Variants in USP34 observed in about 807,000 individuals in gnomAD.
The protein encoded by USP34 is ubiquitin carboxyl-terminal hydrolase 34.
USP34 carries 70 observed loss-of-function variants against 460.3 expected under a neutral mutation model. The observed-to-expected ratio is 0.15, with a 90% CI of 0.13 to 0.19. USP34 has a LOEUF of 0.19. USP34 is among the 10% of genes least tolerant of loss of function. The probability of loss-of-function intolerance (pLI) is 1.00; values close to 1 mark genes in which losing one functional copy is unlikely to be tolerated. For synonymous variants in USP34, 1,647 were observed against 1,405.3 expected (o/e 1.17, Z -3.85); for missense variants, 3,985 against 4,236.2 (o/e 0.94, Z 1.65).
In USP34 at chr2:61,331,483, A is replaced by G. The variant is rs1177948720; in HGVS notation, c.2835-112T>C. ...AAAAAATCTTCAAATGTAAAATTTT[A>G]GTTACGAAAAATATACACGTTTTAT... On this transcript the variant is annotated intron_variant, in intron 19 of 79. Coordinates refer to ENST00000398571, the MANE Select transcript of USP34 (RefSeq NM_014709.4). 19 of 780,086 alleles carry G rather than the reference A, an allele frequency of 2.4e-5. No individual in the cohort carries two copies. The Admixed American group carries it at 5.1e-4, about 21-fold the overall frequency. 48.3% of individuals were successfully genotyped at this position (780,086 alleles called of 1,614,324 possible).
chr2:61,223,278 C>T lies in USP34; in HGVS notation c.7614G>A (p.Gln2538=), dbSNP rs1218095785. Residue 2538 remains glutamine, a synonymous_variant, in exon 63 of 80, where the codon CAG becomes CAA. Coordinates refer to ENST00000398571, the MANE Select transcript of USP34 (RefSeq NM_014709.4). The part of the protein sequence containing the change: ...SRSERHLTLS[Q]TDMAALTGGK... The stretch of plus-strand genomic sequence containing the variant: ...CTCCTGTTAATGCTGCCATGTCAGT[C>T]TGTGATAATGTCAAATGCCTGAAAG... The T allele has an allele frequency of 2.5e-6, 4 of 1,613,878 alleles. No individual in the cohort carries two copies. Among genetic ancestry groups the T allele is most frequent in the African/African-American group, 1.3e-5 (1 of 75,032 alleles).
At position 61,383,198 on chromosome 2, in the gene USP34, T is replaced by C. The variant is rs933333213; in HGVS notation, c.821+71A>G. 3 of 1,159,092 alleles carry C rather than the reference T, an allele frequency of 2.6e-6. 1 individual carries two copies. The highest frequency in any genetic ancestry group is 3.3e-5 in the South Asian group (2 of 60,590). 71.8% of individuals were successfully genotyped at this position (1,159,092 alleles called of 1,614,324 possible). A position where few individuals can be genotyped will look rare whatever the true frequency, so the allele number is the denominator to read the frequency against. On this transcript the variant is annotated intron_variant, in intron 6 of 79. Coordinates refer to ENST00000398571, the MANE Select transcript of USP34 (RefSeq NM_014709.4). ...GACTATAGGGGACTTTCAAACAATA[T>C]AATTCTATATTATAAATTGTTTAAA...
chr2:61,458,754 C>T (rs1475222369), intron 1 of USP34, among the ~76,000 whole-genome samples: 1 of 151,836 alleles, frequency 6.6e-6, no homozygotes, highest in Non-Finnish European at 1.5e-5. Context: ...CAAACAGGGC[C>T]CACTTGAATC....
chr2:61,301,474 G>A lies in USP34; in HGVS notation c.3818-20C>T. ...GGCCTCCTTAAAAACAGCAAAACAT[G>A]GAAATGAATTTGTTTTTAAGAATTA... On this transcript the variant is annotated intron_variant, in intron 27 of 79. Transcript: ENST00000398571. The A allele has an allele frequency of 1.9e-6, 3 of 1,595,142 alleles. No individual in the cohort carries two copies. The highest frequency in any genetic ancestry group is 2.6e-6 in the Non-Finnish European group (3 of 1,168,724).
chr2:61,370,126 C>G (rs1692575041), intron 10 of USP34, among the ~76,000 whole-genome samples, 195 bp downstream of exon 10: 1 of 152,120 alleles, frequency 6.6e-6, no homozygotes, highest in Non-Finnish European at 1.5e-5. Flanking sequence ...GAAGCTCCAA[C>G]TGACTGACTC....
chr2:61,359,612 T>C, intron 10 of USP34, among the ~76,000 whole-genome samples: 1 of 152,214 alleles, frequency 6.6e-6, no homozygotes, highest in South Asian at 2.1e-4. Context: ...TAAAAACTTT[T>C]GTGCATCAAA....
chr2:61,327,807 G>A (rs187411951), intron 20 of USP34, among the ~76,000 whole-genome samples: 121 of 152,118 alleles, frequency 8.0e-4, no homozygotes, highest in African/African-American at 2.8e-3. Flanking sequence ...AGACAAAGAT[G>A]GTATCAATAT....
intron 30 of USP34, 110 bp from the exon 31 acceptor site, chr2:61,295,400 T>C: frequency 8.5e-7 from 1 of 1,181,502 alleles, no homozygotes; most frequent in Non-Finnish European, 1.1e-6. Context: ...ATATATACTT[T>C]GAAACATATT....
rs766267115 is a variant in USP34 at position 61,339,400 on chromosome 2, T to G, written c.2695A>C (p.Ile899Leu). 1 of 1,609,640 alleles carries G rather than the reference T, an allele frequency of 6.2e-7. No individual in the cohort carries two copies. Among genetic ancestry groups the G allele is most frequent in the Non-Finnish European group, 8.5e-7 (1 of 1,178,198 alleles). The change falls in exon 18 of 80, where the codon ATT becomes CTT. Residue 899 changes from isoleucine (I) to leucine (L), a missense_variant. Ile to Leu is a conservative substitution (Grantham distance 5). Transcript: ENST00000398571. ...CAACCTTCAATGAATCTCATTCGAATTTGTCTATCTGTAAACCAACATACT... is the reference window on the plus strand; with the variant it reads ...CAACCTTCAATGAATCTCATTCGAAGTTGTCTATCTGTAAACCAACATACT... ...SLVCWFTDRQ[I>L]RMRFIEGCLE...
chr2:61,295,191 T>C lies in USP34; in HGVS notation c.4354A>G (p.Arg1452Gly), dbSNP rs1189960674. The C allele has an allele frequency of 6.2e-7, 1 of 1,611,358 alleles. No individual in the cohort carries two copies. The highest frequency in any genetic ancestry group is 1.3e-5 in the African/African-American group (1 of 74,814). ...ACCGTAGACTCCCTCCTTATTCTTC[T>C]ATTAGGTTTTCCCAGTGCTTCAATA... The part of the protein sequence containing the change: ...EIIEALGKPN[R>G]RIRRESTGSY... The change falls in exon 31 of 80, where the codon AGA (arginine) becomes GGA (glycine). Residue 1452 changes from arginine (R) to glycine (G), a missense_variant. Transcript: ENST00000398571.
intron 25 of USP34, among the ~76,000 whole-genome samples, chr2:61,313,091 ACTG>A (rs1232768269): frequency 1.3e-5 from 2 of 152,128 alleles, no homozygotes; most frequent in East Asian, 1.9e-4. Context: ...TTTTTAAACT[ACTG>A]CTTAGTTTTG....
intron 32 of USP34, among the ~76,000 whole-genome samples, chr2:61,294,452 T>C (rs1689962620): frequency 6.6e-6 from 1 of 152,126 alleles, no homozygotes; most frequent in Non-Finnish European, 1.5e-5. Flanking sequence ...GTATCTTTTT[T>C]TTGCTGCCCA....
At position 61,348,203 on chromosome 2, in the gene USP34, G is replaced by A. The variant is rs1406774931; in HGVS notation, c.1952C>T (p.Ala651Val). 2 of 1,614,092 alleles carry A rather than the reference G, an allele frequency of 1.2e-6. No homozygotes were observed. The highest frequency in any genetic ancestry group is 4.5e-5 in the East Asian group (2 of 44,902). Residue 651 changes from alanine (A) to valine (V), a missense_variant, in exon 15 of 80, where the codon GCA (alanine) becomes GTA (valine). Ala to Val is a moderately conservative substitution (Grantham distance 64). Coordinates refer to ENST00000398571, the MANE Select transcript of USP34 (RefSeq NM_014709.4). ...DLRNRKLESQ[A>V]GICLGDSQGM... ...TTGGGAGTCCCCCAGGCAAATGCCT[G>A]CTTGACTCTCTAACTTTCTATTCCG...
chr2:61,440,221 A>C (rs1694926127), intron 1 of USP34, among the ~76,000 whole-genome samples: 1 of 151,972 alleles, frequency 6.6e-6, no homozygotes, highest in Non-Finnish European at 1.5e-5. Context: ...TGGCCTCCAA[A>C]CACCACCACT....
intron 15 of USP34, among the ~76,000 whole-genome samples, chr2:61,347,539 A>G (rs879630632): frequency 6.6e-6 from 1 of 152,020 alleles, no homozygotes; most frequent in Non-Finnish European, 1.5e-5. Flanking sequence ...ATGCCCGGCT[A>G]ATTTTTCTAT....
intron 33 of USP34, among the ~76,000 whole-genome samples, chr2:61,291,752 C>A (rs1689859182): frequency 6.6e-6 from 1 of 152,132 alleles, no homozygotes; most frequent in South Asian, 2.1e-4. Flanking sequence ...CACTCCTAAG[C>A]ATATGCCAAA....
intron 2 of USP34, chr2:61,416,821 T>TG (rs55720314): frequency 0.098 from 21,447 of 217,846 alleles, 1,392 homozygotes; most frequent in Non-Finnish European, 0.13. Flanking sequence ...TTTTTTTTTT[T>TG]GGGGGGGGGG....
chr2:61,326,351 G>A (rs1691089259), intron 20 of USP34, among the ~76,000 whole-genome samples: 1 of 152,050 alleles, frequency 6.6e-6, no homozygotes, highest in South Asian at 2.1e-4. Flanking sequence ...GGGATTACAA[G>A]CTAATCCCAG....
chr2:61,361,124 A>AT (rs1214699220), intron 10 of USP34, among the ~76,000 whole-genome samples: 1 of 152,204 alleles, frequency 6.6e-6, no homozygotes, highest in Non-Finnish European at 1.5e-5. Flanking sequence ...AATCAAAACA[A>AT]TATGAGCCAG....
Sources: allele counts gnomAD v4.1 joint callset (sites outside exome capture counted in the v4.1 genomes callset), GRCh38; gene constraint gnomAD v4.1.1; transcripts MANE v1.5; gene names NCBI Gene and HGNC (gene_info 2026-07-23, HGNC 2026-07-21).